Variants in SEC31B observed in about 807,000 individuals in gnomAD.
The protein encoded by SEC31B is protein transport protein Sec31B.
In SEC31B, 113 loss-of-function variants were observed where a neutral mutation model predicts 135.0. The ratio of observed to expected loss-of-function variants is 0.84; its 90% confidence interval spans 0.72 to 0.98. SEC31B has a LOEUF of 0.98. Ranked by LOEUF, SEC31B falls within the 50% of genes least tolerant of loss-of-function variation. The pLI is 0.00. For missense variants in SEC31B, 1,296 were observed against 1,421.1 expected (o/e 0.91, Z 1.42); for synonymous variants, 508 against 549.4 (o/e 0.92, Z 1.05).
chr10:100,500,142 T>C (rs1175605023), intron 11 of SEC31B: 10 of 456,670 alleles, frequency 2.2e-5, no homozygotes, highest in South Asian at 1.4e-4. Context: ...TCCTTGCACC[T>C]GAGCTGTCTC....
At position 100,497,748 on chromosome 10, in the gene SEC31B, T is replaced by A. The variant is rs764477083; in HGVS notation, c.1909A>T (p.Thr637Ser). 2 of 1,614,176 alleles carry A rather than the reference T, an allele frequency of 1.2e-6. No homozygotes were observed. The highest frequency in any genetic ancestry group is 3.3e-5 in the Admixed American group (2 of 60,020). ...TCTCTCCAGTTCTTCAGGCTACAGG[T>A]ACACACCACATCCTTCCAATTCTTT... ...VQKNWKDVVC[T>S]CSLKNWREAL... The change falls in exon 16 of 26, where the codon ACC becomes TCC. Residue 637 changes from threonine to serine, a missense_variant. Transcript: ENST00000370345.
rs1851470055 is a variant in SEC31B at position 100,499,175 on chromosome 10, C to CT, written c.1568dup (p.Ala524GlyfsTer22). On this transcript the variant is annotated frameshift_variant, in exon 13 of 26. Transcript: ENST00000370345. LOFTEE classifies it high-confidence loss of function. ...CCTACCACACCTGGCTGCAGAAGGC[C>CT]TGTTGTCTGTCACTGTTGAGGTCAT... The CT allele has an allele frequency of 6.2e-7, 1 of 1,613,860 alleles. No individual in the cohort carries two copies. The highest frequency in any genetic ancestry group is 1.3e-5 in the African/African-American group (1 of 74,912).
In SEC31B at chr10:100,497,288, G is replaced by C. The variant is rs35391848; in HGVS notation, c.1991-8C>G. 1.8e-3 allele frequency: 2,837 copies of C among 1,612,978 alleles called. 12 individuals are homozygous for C. Among genetic ancestry groups the C allele is most frequent in the Non-Finnish European group, 1.8e-3 (2,181 of 1,179,072 alleles). On this transcript the variant is annotated splice_polypyrimidine_tract_variant and splice_region_variant and intron_variant, in intron 16 of 25. Coordinates refer to ENST00000370345, the MANE Select transcript of SEC31B (RefSeq NM_015490.4). ...TGCGAGTTCCCAGCATGTCTGCAGA[G>C]AGAGGGTAATTTCATTAATGGCACA...
At chr10:100,500,141 C>T (rs752191009) in intron 11 of SEC31B, 18 of 456,518 alleles carry the variant, frequency 3.9e-5, no homozygotes, top group Non-Finnish European at 7.9e-5. Context: ...CTCCTTGCAC[C>T]TGAGCTGTCT....
intron 20 of SEC31B, 125 bp downstream of exon 20, chr10:100,490,581 G>T: frequency 9.6e-7 from 1 of 1,046,926 alleles, no homozygotes; most frequent in Non-Finnish European, 1.3e-6. Flanking sequence ...TAGGAATTCA[G>T]ACTTCAACTT....
intron 10 of SEC31B, among the ~76,000 whole-genome samples, chr10:100,503,710 C>T (rs1020181251): frequency 2.0e-5 from 3 of 151,568 alleles, no homozygotes; most frequent in East Asian, 1.9e-4. Flanking sequence ...GCTGGGATTA[C>T]AGGAGTAAGC....
intron 2 of SEC31B, among the ~76,000 whole-genome samples, 193 bp from the exon 3 acceptor site, chr10:100,516,412 C>T (rs1851846705): frequency 6.6e-6 from 1 of 151,928 alleles, no homozygotes; most frequent in Admixed American, 6.6e-5. Flanking sequence ...TTTTGGGACG[C>T]CGAGGTGGGC....
Position 100,502,234 on chromosome 10 carries a change from C to T in SEC31B, c.1410+20G>A. On this transcript the variant is annotated intron_variant, in intron 11 of 25. Transcript: ENST00000370345. ...GCTTTGGGGAGACACTTCTGAGCAG[C>T]TAGCCTTCAGGCTTCCCACCTTCAG... The T allele has an allele frequency of 6.3e-7, 1 of 1,598,570 alleles. No individual in the cohort carries two copies. The highest frequency in any genetic ancestry group is 8.6e-7 in the Non-Finnish European group (1 of 1,167,950).
chr10:100,501,974 T>C (rs998784289), intron 11 of SEC31B, among the ~76,000 whole-genome samples: 26 of 152,238 alleles, frequency 1.7e-4, no homozygotes, highest in Non-Finnish European at 2.6e-4. Flanking sequence ...GCCTTGGCCC[T>C]GGTAAAATAC....
intron 9 of SEC31B, 42 bp from the exon 10 acceptor site, chr10:100,505,537 G>A: frequency 6.6e-7 from 1 of 1,504,546 alleles, no homozygotes; most frequent in Non-Finnish European, 8.8e-7. Context: ...TAAAGTGGCA[G>A]TTTAGTCAGG....
chr10:100,514,630 A>G (rs1173266857), intron 3 of SEC31B, among the ~76,000 whole-genome samples: 1 of 152,112 alleles, frequency 6.6e-6, no homozygotes, highest in Non-Finnish European at 1.5e-5. Context: ...GGAAAACGAC[A>G]ACTAACTTTT....
chr10:100,505,291 G>A, intron 10 of SEC31B, 70 bp downstream of exon 10: 2 of 1,554,462 alleles, frequency 1.3e-6, no homozygotes, highest in Non-Finnish European at 8.7e-7. Context: ...CACATGGTAG[G>A]CTTCACAAAC....
At chr10:100,511,892 C>T (rs556939307) in intron 3 of SEC31B, among the ~76,000 whole-genome samples, 1 of 152,232 alleles carries the variant, frequency 6.6e-6, no homozygotes, top group Non-Finnish European at 1.5e-5. Flanking sequence ...TGAATGCCTA[C>T]GCATCTACTA....
At chr10:100,507,012 G>A (rs1374971858) in intron 7 of SEC31B, among the ~76,000 whole-genome samples, 2 of 152,188 alleles carry the variant, frequency 1.3e-5, no homozygotes, top group African/African-American at 2.4e-5. Flanking sequence ...TGGCCCTTTG[G>A]TTAGAAAGAA....
intron 10 of SEC31B, among the ~76,000 whole-genome samples, chr10:100,503,124 G>A (rs1204832882): frequency 6.6e-6 from 1 of 152,040 alleles, no homozygotes; most frequent in Non-Finnish European, 1.5e-5. Context: ...TATTATAATT[G>A]CTCCACATCC....
chr10:100,513,389 G>C (rs577246154), intron 3 of SEC31B, among the ~76,000 whole-genome samples: 1 of 152,304 alleles, frequency 6.6e-6, no homozygotes, highest in Non-Finnish European at 1.5e-5. Flanking sequence ...CTAACAGCTT[G>C]AAAAACCCTT....
intron 11 of SEC31B, among the ~76,000 whole-genome samples, chr10:100,499,904 G>A (rs1375012283): frequency 6.6e-6 from 1 of 152,210 alleles, no homozygotes; most frequent in African/African-American, 2.4e-5. Flanking sequence ...CAATATGCTT[G>A]TGATTGGTAA....
intron 19 of SEC31B, among the ~76,000 whole-genome samples, chr10:100,492,255 G>A (rs533668241): frequency 1.2e-4 from 18 of 152,208 alleles, no homozygotes; most frequent in Non-Finnish European, 2.2e-4. Context: ...ACAGAGTTTC[G>A]CTCTTGGTGC....
intron 24 of SEC31B, among the ~76,000 whole-genome samples, 191 bp downstream of exon 24, chr10:100,488,667 A>T (rs1171274137): frequency 1.3e-5 from 2 of 151,992 alleles, no homozygotes; most frequent in African/African-American, 2.4e-5. Context: ...CCTACCACCA[A>T]GGAGCTGGAC....
Sources: gnomAD v4.1 joint callset for allele counts (sites outside exome capture counted in the v4.1 genomes callset) on GRCh38, gnomAD v4.1.1 for gene constraint, MANE v1.5 for transcripts, NCBI Gene and HGNC (gene_info 2026-07-23, HGNC 2026-07-21) for gene names.